CD8B: variants seen among roughly 807,000 people sequenced by gnomAD.
CD8B encodes the protein CD8 subunit beta.
Under a neutral mutation model 24.2 loss-of-function variants are expected in CD8B, and 6 were observed. The observed-to-expected ratio is 0.25, with a 90% CI of 0.14 to 0.49. CD8B has a LOEUF of 0.49. CD8B is among the 20% of genes least tolerant of loss of function. CD8B has a pLI of 0.98. For missense variants in CD8B, 196 were observed against 271.3 expected, an observed-to-expected ratio of 0.72 and a Z score of 1.95; for synonymous variants, 84 against 108.3, an observed-to-expected ratio of 0.78 and a Z score of 1.39.
At chr2:86,853,713 A>T (rs551685829) in intron 2 of CD8B, among the ~76,000 whole-genome samples, 1 of 151,684 alleles carries the variant, frequency 6.6e-6, no homozygotes, top group Non-Finnish European at 1.5e-5. Flanking sequence ...TTATTTATTT[A>T]TTTATTTTTT....
intron 3 of CD8B, among the ~76,000 whole-genome samples, chr2:86,851,768 AT>A (rs1304754772): frequency 1.3e-5 from 2 of 151,996 alleles, no homozygotes; most frequent in Admixed American, 1.3e-4. Flanking sequence ...TGAGGTCAGT[AT>A]TTTTCCAGAA....
rs903043909 is a variant in CD8B, at chr2:86,854,327, G to A, written c.404-1241C>T. ...GAGGAAGCTCATGGAAGGAGGGGGT[G>A]CCCTTTTCTGCATGTAGAGTACCAC... is the stretch of plus-strand genomic sequence containing the variant. On this transcript the variant is annotated intron_variant, in intron 2 of 5. Coordinates refer to ENST00000390655, the MANE Select transcript of CD8B (RefSeq NM_004931.5). Among the ~76,000 whole-genome samples the A allele has an allele frequency of 4.0e-4, 61 of 152,326 alleles. 2 individuals are homozygous for A. Among genetic ancestry groups the A allele is most frequent in the Admixed American group, 3.6e-3 (55 of 15,296 alleles).
In CD8B at chr2:86,858,373, T is replaced by A. The variant is rs755027423; in HGVS notation, c.87A>T (p.Ile29=). The A allele has an allele frequency of 6.2e-6, 10 of 1,611,672 alleles. No homozygotes were observed. The highest frequency in any genetic ancestry group is 7.6e-6 in the Non-Finnish European group (9 of 1,178,886). Reference sequence around the variant, plus strand: ...TCACCATCTTGTTGGTTTGCACCTTTATGTATGCAGGGGTCTGCTGGAGGA... The same window carrying A: ...TCACCATCTTGTTGGTTTGCACCTTAATGTATGCAGGGGTCTGCTGGAGGA... ...NSVLQQTPAY[I]KVQTNKMVML... is the part of the protein sequence containing the mutation. The change falls in exon 2 of 6, where the codon ATA becomes ATT. Residue 29 remains isoleucine, a synonymous_variant. Transcript: ENST00000390655.
rs60980294 is a variant in CD8B at position 86,846,927 on chromosome 2, A to ATT, written c.494-156_494-155dup. Among the ~76,000 whole-genome samples the ATT allele has an allele frequency of 7.1e-4, 42 of 58,874 alleles. 1 individual carries two copies. The highest frequency in any genetic ancestry group is 1.5e-3 in the African/African-American group (20 of 13,140). The allele number at this position is 58,874 out of a possible 152,430, so 38.6% of individuals were successfully genotyped here. A position where few individuals can be genotyped will look rare whatever the true frequency, so the allele number is the denominator to read the frequency against. ...CGATGTAATGTATTTTTCCTCAAGT[A>ATT]TTTTTTTTTTTTTTTTTTTTTTTTT... On this transcript the variant is annotated intron_variant, in intron 3 of 5. Coordinates refer to ENST00000390655, the MANE Select transcript of CD8B (RefSeq NM_004931.5).
In CD8B at chr2:86,858,217, G is replaced by A. The variant is rs144849882; in HGVS notation, c.243C>T (p.His81=). ...TCTTCTCCTGTTCCACCTCTTCACC[G>A]TGGATAGTCCCTTTTGCGGAATCCC... The part of the protein sequence containing the change: ...ALWDSAKGTI[H]GEEVEQEKIA... The change falls in exon 2 of 6, where the codon CAC becomes CAT. Residue 81 remains histidine (H), a synonymous_variant. Coordinates refer to ENST00000390655, the MANE Select transcript of CD8B (RefSeq NM_004931.5). 2.4e-3 allele frequency: 3,910 copies of A among 1,613,976 alleles called. 87 individuals carry two copies. The African/African-American group carries it at 0.044, about 18-fold the overall frequency.
intron 5 of CD8B, among the ~76,000 whole-genome samples, chr2:86,825,672 C>T (rs371301982): frequency 3.3e-5 from 5 of 152,142 alleles, no homozygotes; most frequent in South Asian, 2.1e-4. Context: ...GACACCTCTC[C>T]GAAGAAGCCA....
At position 86,815,634 on chromosome 2, in the gene CD8B, C is replaced by A. The variant is rs141630292; in HGVS notation, c.705G>T (p.Leu235=). The change falls in exon 6 of 6, where the codon CTG becomes CTT. Residue 235 remains leucine, a synonymous_variant. Coordinates refer to the CD8B transcript ENST00000331469. ...ATGTTTTCAGGATCCATGGGTTAAG[C>A]AGCTTCTGTGAGGTTGTAGTATTGC... The A allele has an allele frequency of 1.9e-6, 3 of 1,612,198 alleles. No individual in the cohort carries two copies. The Admixed American group carries it at 5.0e-5, about 27-fold the overall frequency.
chr2:86,815,826 T>C, intron 5 of CD8B: 1 of 716,764 alleles, frequency 1.4e-6, no homozygotes, highest in East Asian at 2.5e-5. Flanking sequence ...GAGTCAGATG[T>C]TGTGTCAAAT....
intron 1 of CD8B, among the ~76,000 whole-genome samples, chr2:86,859,992 G>C (rs187376514): frequency 1.7e-4 from 26 of 152,232 alleles, no homozygotes; most frequent in Admixed American, 1.6e-3. Flanking sequence ...TGATGGGGCC[G>C]GGTGTGGTGG....
At chr2:86,859,216 C>A (rs1181515686) in intron 1 of CD8B, among the ~76,000 whole-genome samples, 2 of 151,994 alleles carry the variant, frequency 1.3e-5, no homozygotes, top group African/African-American at 4.8e-5. Context: ...CAGCCCATGA[C>A]CCCCGAGCCC....
chr2:86,815,735 CAA>C (rs756460491), intron 5 of CD8B: 45 of 1,354,354 alleles, frequency 3.3e-5, no homozygotes, highest in Non-Finnish European at 4.8e-5. Context: ...AAAAGAAAAA[CAA>C]GAGAGTCTCA....
rs368558952 is a variant in CD8B, at chr2:86,842,364, C to T, written c.621-45G>A. On this transcript the variant is annotated intron_variant, in intron 5 of 5. Transcript: ENST00000390655. Reference sequence around the variant, plus strand: ...GTGAAACCACTTATTTTCAGGCAAACGATATTGAATTTCCTGTAACAGAGA... The same window carrying T: ...GTGAAACCACTTATTTTCAGGCAAATGATATTGAATTTCCTGTAACAGAGA... 238 of 1,578,438 alleles carry T rather than the reference C, an allele frequency of 1.5e-4. No homozygotes were observed. The African/African-American group carries it at 1.9e-3, about 13-fold the overall frequency.
chr2:86,838,593 G>A lies in CD8B; in HGVS notation c.*3714C>T, dbSNP rs957274080. 2.6e-5 allele frequency among the ~76,000 whole-genome samples: 4 copies of A among 152,194 alleles called. No individual in the cohort carries two copies. Among genetic ancestry groups the A allele is most frequent in the African/African-American group, 9.6e-5 (4 of 41,506 alleles). ...AGCTCACTGCAGTCTGAAACTCCTGGGGTCAGGAGATCCTCCCACCTCATC... is the reference window on the plus strand; with the variant it reads ...AGCTCACTGCAGTCTGAAACTCCTGAGGTCAGGAGATCCTCCCACCTCATC... On this transcript the variant is annotated 3_prime_UTR_variant, in exon 6 of 6. Coordinates refer to ENST00000390655, the MANE Select transcript of CD8B (RefSeq NM_004931.5).
downstream of CD8B, among the ~76,000 whole-genome samples, chr2:86,833,639 C>CCCTTCCTTCCTTCCTTCCTTCCTTCCTT (rs1553435044): frequency 5.3e-5 from 4 of 75,990 alleles, no homozygotes; most frequent in African/African-American, 1.3e-4. Context: ...CTCCCTCCCT[C>CCCTTCCTTCCTTCCTTCCTTCCTTCCTT]CCTTCCTTCC....
At chr2:86,830,057 T>C (rs1156905775) in intron 5 of CD8B, among the ~76,000 whole-genome samples, 2 of 152,154 alleles carry the variant, frequency 1.3e-5, no homozygotes, top group Non-Finnish European at 2.9e-5. Context: ...AGATATGTAG[T>C]TTTTAGCATG....
chr2:86,821,008 C>T (rs1415455514), intron 5 of CD8B, among the ~76,000 whole-genome samples: 1 of 152,122 alleles, frequency 6.6e-6, no homozygotes, highest in Non-Finnish European at 1.5e-5. Flanking sequence ...TATGTGCCAG[C>T]CCTAATTACT....
chr2:86,836,066 G>A (rs1219694671), downstream of CD8B, among the ~76,000 whole-genome samples: 1 of 151,560 alleles, frequency 6.6e-6, no homozygotes, highest in East Asian at 2.0e-4. Flanking sequence ...ATTGTACTTG[G>A]CAGAGTAAAC....
intron 3 of CD8B, among the ~76,000 whole-genome samples, chr2:86,847,402 T>C (rs1030606622): frequency 6.6e-6 from 1 of 152,236 alleles, no homozygotes; most frequent in Admixed American, 6.5e-5. Flanking sequence ...TAGCTGAATA[T>C]ATTTTCATTG....
intron 5 of CD8B, among the ~76,000 whole-genome samples, chr2:86,818,364 A>G (rs1217544021): frequency 6.6e-6 from 1 of 151,982 alleles, no homozygotes; most frequent in Non-Finnish European, 1.5e-5. Context: ...TGCTGCACGG[A>G]TGTTGTATTT....
Sources: allele counts gnomAD v4.1 joint callset (sites outside exome capture counted in the v4.1 genomes callset), GRCh38; gene constraint gnomAD v4.1.1; transcripts MANE v1.5; gene names NCBI Gene and HGNC (gene_info 2026-07-23, HGNC 2026-07-21).